ARMH4: variants seen among roughly 807,000 people sequenced by gnomAD.
ARMH4 encodes the protein armadillo-like helical domain-containing protein 4.
A neutral mutation model predicts 61.9 loss-of-function variants in ARMH4; 49 were observed. The observed-to-expected ratio is 0.79, with a 90% CI of 0.63 to 1.00. The LOEUF (loss-of-function observed/expected upper bound fraction) is 1.00. Among genes scored for constraint, ARMH4 ranks in the 50% least tolerant of loss-of-function variants. The pLI, the probability that ARMH4 is intolerant of heterozygous loss-of-function variation, is 0.00. For missense variants in ARMH4, 934 were observed against 930.0 expected (o/e 1.00, Z -0.06); for synonymous variants, 368 against 341.5 (o/e 1.08, Z -0.85).
chr14:58,018,908 T>C (rs1882712864), intron 5 of ARMH4, among the ~76,000 whole-genome samples: 1 of 152,044 alleles, frequency 6.6e-6, no homozygotes, highest in African/African-American at 2.4e-5. Context: ...GTGGTTACTG[T>C]ATATAAACAC....
At chr14:58,122,669 T>C (rs941535922) in intron 4 of ARMH4, among the ~76,000 whole-genome samples, 1 of 152,106 alleles carries the variant, frequency 6.6e-6, no homozygotes, top group African/African-American at 2.4e-5. Flanking sequence ...GCAAGTGGAC[T>C]TTGGAGGCTC....
At chr14:58,097,073 A>G in intron 4 of ARMH4, 92 bp from the exon 5 acceptor site, 3 of 1,361,000 alleles carry the variant, frequency 2.2e-6, no homozygotes, top group South Asian at 1.3e-5. Context: ...ACACTACAAA[A>G]TAATTGTTTG....
At chr14:58,007,177 T>C (rs1882209573) in intron 6 of ARMH4, among the ~76,000 whole-genome samples, 1 of 152,218 alleles carries the variant, frequency 6.6e-6, no homozygotes, top group Non-Finnish European at 1.5e-5. Context: ...CAGTAACATT[T>C]GAACTTTTGG....
chr14:58,061,556 A>C (rs192705615), intron 5 of ARMH4, among the ~76,000 whole-genome samples: 3 of 152,290 alleles, frequency 2.0e-5, no homozygotes, highest in Admixed American at 2.0e-4. Context: ...GCTTTCCTCA[A>C]GAAAGGATAT....
At chr14:58,125,407 T>A (rs920840356) in intron 4 of ARMH4, among the ~76,000 whole-genome samples, 12 of 152,204 alleles carry the variant, frequency 7.9e-5, no homozygotes, top group Admixed American at 2.0e-4. Context: ...ATAGCACCCA[T>A]CAGATGGCCA....
intron 1 of ARMH4, among the ~76,000 whole-genome samples, chr14:58,146,822 G>A (rs1887743183): frequency 6.6e-6 from 1 of 152,148 alleles, no homozygotes; most frequent in South Asian, 2.1e-4. Flanking sequence ...ACACAAAAGG[G>A]AAACCAATAT....
chr14:58,129,507 G>GA (rs1162798798), intron 4 of ARMH4, among the ~76,000 whole-genome samples: 2 of 152,020 alleles, frequency 1.3e-5, no homozygotes, highest in East Asian at 1.9e-4. Context: ...TTCTAGATAA[G>GA]AAAAAAAATT....
chr14:58,074,063 G>A (rs1469081236), intron 5 of ARMH4, among the ~76,000 whole-genome samples: 2 of 152,206 alleles, frequency 1.3e-5, no homozygotes, highest in Admixed American at 6.6e-5. Context: ...AAAAGGCTAA[G>A]TACAACAAGC....
chr14:58,125,982 G>A (rs1354441595), intron 4 of ARMH4, among the ~76,000 whole-genome samples: 2 of 152,132 alleles, frequency 1.3e-5, no homozygotes, highest in African/African-American at 4.8e-5. Context: ...GGCTAAAACA[G>A]GAGGCAAAGA....
At chr14:58,130,821 C>T (rs1225452836) in intron 4 of ARMH4, among the ~76,000 whole-genome samples, 1 of 152,148 alleles carries the variant, frequency 6.6e-6, no homozygotes, top group Admixed American at 6.5e-5. Context: ...AAAATACACC[C>T]CACATTAAAA....
intron 4 of ARMH4, among the ~76,000 whole-genome samples, chr14:58,103,709 C>T (rs917952283): frequency 2.0e-5 from 3 of 152,096 alleles, no homozygotes; most frequent in Non-Finnish European, 4.4e-5. Context: ...CCACCTCAGC[C>T]TCCCAAAGTA....
intron 5 of ARMH4, among the ~76,000 whole-genome samples, chr14:58,073,390 C>G (rs1332342709): frequency 6.6e-6 from 1 of 152,190 alleles, no homozygotes; most frequent in Non-Finnish European, 1.5e-5. Context: ...CTAGAGGCTG[C>G]TTTGATTGTG....
intron 5 of ARMH4, among the ~76,000 whole-genome samples, chr14:58,086,572 C>T (rs1170862532): frequency 6.6e-6 from 1 of 152,130 alleles, no homozygotes; most frequent in African/African-American, 2.4e-5. Flanking sequence ...CCCCACCCCC[C>T]ACATTACTAT....
At chr14:58,040,666 T>A (rs1883662368) in intron 5 of ARMH4, among the ~76,000 whole-genome samples, 1 of 152,198 alleles carries the variant, frequency 6.6e-6, no homozygotes, top group South Asian at 2.1e-4. Context: ...ATACATTCCT[T>A]TGGGTATATA....
intron 5 of ARMH4, among the ~76,000 whole-genome samples, chr14:58,066,390 G>T (rs548934475): frequency 1.3e-5 from 2 of 152,282 alleles, no homozygotes; most frequent in South Asian, 4.1e-4. Flanking sequence ...GCAATCTAGT[G>T]GTTGCCAGGG....
intron 5 of ARMH4, among the ~76,000 whole-genome samples, chr14:58,016,121 ATC>A: frequency 6.6e-6 from 1 of 152,094 alleles, no homozygotes; most frequent in African/African-American, 2.4e-5. Flanking sequence ...GAAGACATGT[ATC>A]TTAAAGGATT....
At chr14:58,115,815 C>G (rs968904812) in intron 4 of ARMH4, among the ~76,000 whole-genome samples, 1 of 152,074 alleles carries the variant, frequency 6.6e-6, no homozygotes, top group South Asian at 2.1e-4. Context: ...GAACAGAAAA[C>G]CAAGCATCAC....
chr14:58,068,474 C>T (rs1884776060), intron 5 of ARMH4, among the ~76,000 whole-genome samples: 1 of 152,152 alleles, frequency 6.6e-6, no homozygotes, highest in Non-Finnish European at 1.5e-5. Flanking sequence ...ACTAAGACAT[C>T]TCACTAGCCT....
In ARMH4 at chr14:58,145,082, A is replaced by G. The variant is rs571254109; in HGVS notation, c.-56-5668T>C. ...ACAAATACTTTTTCTATTCAGTGAA[A>G]TCTTACTAAACGTGTGGCCTAAAAC... On this transcript the variant is annotated intron_variant, in intron 1 of 7. Coordinates refer to ENST00000267485, the MANE Select transcript of ARMH4 (RefSeq NM_001001872.4). 2.6e-5 allele frequency among the ~76,000 whole-genome samples: 4 copies of G among 152,294 alleles called. No individual in the cohort carries two copies. The East Asian group carries it at 7.7e-4, about 29-fold the overall frequency.
Sources: gnomAD v4.1 joint callset for allele counts (sites outside exome capture counted in the v4.1 genomes callset) on GRCh38, gnomAD v4.1.1 for gene constraint, MANE v1.5 for transcripts, NCBI Gene and HGNC (gene_info 2026-07-23, HGNC 2026-07-21) for gene names.